The following LMNTD1 variants were observed in gnomAD, a reference collection of about 807,000 sequenced individuals.
LMNTD1 encodes the protein lamin tail domain containing 1, also known as lamin tail domain-containing protein 1.
A neutral mutation model predicts 50.9 loss-of-function variants in LMNTD1; 35 were observed. The ratio of observed to expected loss-of-function variants is 0.69; its 90% CI spans 0.53 to 0.91. The LOEUF (loss-of-function observed/expected upper bound fraction) is 0.91. LMNTD1 is among the 40% of genes least tolerant of loss of function. LMNTD1 has a pLI of 0.00. For missense variants in LMNTD1, 470 were observed against 475.5 expected (o/e 0.99, Z 0.11); for synonymous variants, 153 against 161.9 (o/e 0.94, Z 0.42).
chr12:25,561,839 T>C (rs939673004), intron 1 of LMNTD1, among the ~76,000 whole-genome samples: 3 of 152,108 alleles, frequency 2.0e-5, no homozygotes, highest in African/African-American at 7.2e-5. Flanking sequence ...ATTGGGTGCA[T>C]ATATATTTAG....
chr12:25,529,008 T>C (rs918374425), intron 4 of LMNTD1, among the ~76,000 whole-genome samples: 1 of 152,170 alleles, frequency 6.6e-6, no homozygotes, highest in African/African-American at 2.4e-5. Flanking sequence ...CACAACCACC[T>C]GCCTCTGCTG....
chr12:25,548,720 T>C (rs1323401119), intron 3 of LMNTD1, among the ~76,000 whole-genome samples: 1 of 151,946 alleles, frequency 6.6e-6, no homozygotes, highest in Non-Finnish European at 1.5e-5. Context: ...TCCCTAAACA[T>C]GGTGAGAAAC....
intron 1 of LMNTD1, among the ~76,000 whole-genome samples, chr12:25,645,827 T>C (rs758131288): frequency 4.6e-5 from 7 of 152,186 alleles, no homozygotes; most frequent in Non-Finnish European, 7.3e-5. Flanking sequence ...GGATAATGTA[T>C]GTAAAGTAAC....
At chr12:25,545,141 A>G (rs575895447) in intron 4 of LMNTD1, among the ~76,000 whole-genome samples, 1 of 151,816 alleles carries the variant, frequency 6.6e-6, no homozygotes, top group African/African-American at 2.4e-5. Flanking sequence ...AGCATTTCTT[A>G]TAAGATAGGT....
intron 4 of LMNTD1, among the ~76,000 whole-genome samples, chr12:25,542,389 C>T (rs1045333128): frequency 2.0e-5 from 3 of 150,048 alleles, no homozygotes; most frequent in African/African-American, 4.9e-5. Flanking sequence ...TACTATGCAG[C>T]CATAAAAAAT....
At chr12:25,598,689 TA>T (rs71449923) in intron 1 of LMNTD1, among the ~76,000 whole-genome samples, 5,910 of 149,258 alleles carry the variant, frequency 0.04, 398 homozygotes, top group African/African-American at 0.14. Flanking sequence ...ACTGCAGAAA[TA>T]AAAAAAAAAT....
At chr12:25,567,269 C>G (rs932320424) in intron 1 of LMNTD1, among the ~76,000 whole-genome samples, 1 of 152,160 alleles carries the variant, frequency 6.6e-6, no homozygotes, top group Non-Finnish European at 1.5e-5. Context: ...TTGAAATTTT[C>G]TTCAGCTGTT....
upstream of LMNTD1, among the ~76,000 whole-genome samples, chr12:25,556,343 G>A (rs1180362635): frequency 6.6e-6 from 1 of 152,186 alleles, no homozygotes; most frequent in African/African-American, 2.4e-5. Flanking sequence ...AAATGAGGAA[G>A]TGGAAGTTCC....
chr12:25,605,697 TC>T (rs573695046), intron 1 of LMNTD1, among the ~76,000 whole-genome samples: 154 of 152,310 alleles, frequency 1.0e-3, no homozygotes, highest in African/African-American at 3.6e-3. Flanking sequence ...GTTCCATTGG[TC>T]TATATCTCTG....
At chr12:25,511,652 A>G (rs576822663) in intron 8 of LMNTD1, among the ~76,000 whole-genome samples, 2 of 152,294 alleles carry the variant, frequency 1.3e-5, no homozygotes, top group South Asian at 4.1e-4. Context: ...ACTATTAACT[A>G]TAACTATTAA....
chr12:25,595,144 C>T (rs1192460467), intron 1 of LMNTD1, among the ~76,000 whole-genome samples: 1 of 151,928 alleles, frequency 6.6e-6, no homozygotes, highest in South Asian at 2.1e-4. Flanking sequence ...TGGGGGACTT[C>T]AATACTCCAC....
At chr12:25,515,167 A>G (rs1172783834) in intron 8 of LMNTD1, among the ~76,000 whole-genome samples, 2 of 150,366 alleles carry the variant, frequency 1.3e-5, no homozygotes, top group Admixed American at 6.7e-5. Flanking sequence ...ATTTTCTTGG[A>G]TGCATTCAAA....
chr12:25,521,620 T>A (rs948599978), intron 6 of LMNTD1, among the ~76,000 whole-genome samples: 7 of 152,202 alleles, frequency 4.6e-5, no homozygotes, highest in African/African-American at 1.4e-4. Flanking sequence ...TATTGGGAAC[T>A]GCTTTATTGA....
intron 1 of LMNTD1, among the ~76,000 whole-genome samples, chr12:25,596,758 A>G (rs1192578204): frequency 1.3e-5 from 2 of 152,118 alleles, no homozygotes; most frequent in Non-Finnish European, 2.9e-5. Flanking sequence ...ATATACAGAA[A>G]AACACAGAAC....
chr12:25,644,340 C>T (rs1269932065), intron 1 of LMNTD1, among the ~76,000 whole-genome samples: 1 of 121,564 alleles, frequency 8.2e-6, no homozygotes, highest in Non-Finnish European at 1.8e-5. Context: ...AAAAAATTAG[C>T]CAAGCATGGT....
At chr12:25,514,559 C>CA (rs36076563) in intron 8 of LMNTD1, among the ~76,000 whole-genome samples, 6 of 145,924 alleles carry the variant, frequency 4.1e-5, no homozygotes, top group African/African-American at 1.5e-4. Context: ...TTAATGGATA[C>CA]AAAAAAAAAA....
chr12:25,642,997 C>T (rs541285952), intron 1 of LMNTD1, among the ~76,000 whole-genome samples: 178 of 152,246 alleles, frequency 1.2e-3, no homozygotes, highest in African/African-American at 2.0e-3. Context: ...GTTAATGCAA[C>T]GTTCCAAGCA....
At chr12:25,618,362 G>A (rs1262873307) in intron 1 of LMNTD1, among the ~76,000 whole-genome samples, 1 of 152,156 alleles carries the variant, frequency 6.6e-6, no homozygotes, top group East Asian at 1.9e-4. Flanking sequence ...CTACTGTGCA[G>A]CTGCAAGTGA....
At chr12:25,571,921 C>T (rs1161603940) in intron 1 of LMNTD1, among the ~76,000 whole-genome samples, 2 of 152,170 alleles carry the variant, frequency 1.3e-5, no homozygotes, top group Non-Finnish European at 2.9e-5. Flanking sequence ...ATCCACCTGC[C>T]TCAGTCTCTC....
Sources: gnomAD v4.1 joint callset for allele counts (sites outside exome capture counted in the v4.1 genomes callset) on GRCh38, gnomAD v4.1.1 for gene constraint, MANE v1.5 for transcripts, NCBI Gene and HGNC (gene_info 2026-07-23, HGNC 2026-07-21) for gene names.